DENND5B: variants seen among roughly 807,000 people sequenced by gnomAD.
The protein encoded by DENND5B is DENN domain-containing protein 5B.
In DENND5B, 34 loss-of-function variants were observed where a neutral mutation model predicts 140.6. The observed-to-expected ratio is 0.24, with a 90% CI of 0.18 to 0.32. The LOEUF (loss-of-function observed/expected upper bound fraction) is 0.32. Among genes scored for constraint, DENND5B ranks in the 10% least tolerant of loss-of-function variants. The probability of loss-of-function intolerance (pLI) is 1.00; values close to 1 mark genes in which losing one functional copy is unlikely to be tolerated. For synonymous variants in DENND5B, 551 were observed against 562.1 expected (o/e 0.98, Z 0.28); for missense variants, 1,142 against 1,560.2 (o/e 0.73, Z 4.52).
At chr12:31,500,975 C>T (rs1165352966) in intron 1 of DENND5B, among the ~76,000 whole-genome samples, 1 of 152,150 alleles carries the variant, frequency 6.6e-6, no homozygotes, top group East Asian at 1.9e-4. Context: ...CTCATCAAAA[C>T]TATCAAGGAC....
In DENND5B at chr12:31,479,832, G is replaced by C; in HGVS notation, c.661C>G (p.Pro221Ala). 6.2e-7 allele frequency: 1 copy of C among 1,613,922 alleles called. No homozygotes were observed. The highest frequency in any genetic ancestry group is 8.5e-7 in the Non-Finnish European group (1 of 1,179,860). ...ATATAGCTTTCAAGTGGCAAGGGTG[G>C]TGGCTGCTGTGAGGTAACAGCCTTG... ...LYKAVTSQQPPPLPLESYIHN... is the reference protein window; with the variant it reads ...LYKAVTSQQPAPLPLESYIHN... Residue 221 changes from proline to alanine, a missense_variant, in exon 3 of 21, where the codon CCA becomes GCA. Physicochemically the swap from Pro to Ala is conservative, Grantham distance 27. Transcript: ENST00000389082.
chr12:31,435,592 T>C (rs1230311775), intron 7 of DENND5B, among the ~76,000 whole-genome samples: 1 of 152,214 alleles, frequency 6.6e-6, no homozygotes, highest in East Asian at 1.9e-4. Flanking sequence ...CTTCTACTTA[T>C]TTACGTTTGG....
intron 1 of DENND5B, among the ~76,000 whole-genome samples, chr12:31,566,957 C>T (rs1023515066): frequency 2.6e-5 from 4 of 152,134 alleles, no homozygotes; most frequent in Non-Finnish European, 4.4e-5. Context: ...GCCTGGGAGG[C>T]GGAGGTTAGA....
intron 1 of DENND5B, among the ~76,000 whole-genome samples, chr12:31,502,365 T>C (rs774285649): frequency 6.6e-6 from 1 of 152,172 alleles, no homozygotes; most frequent in Non-Finnish European, 1.5e-5. Context: ...ATAAGTAATC[T>C]ACCTTTTATA....
intron 1 of DENND5B, among the ~76,000 whole-genome samples, chr12:31,516,752 T>C (rs768235759): frequency 8.5e-5 from 13 of 152,182 alleles, no homozygotes; most frequent in Non-Finnish European, 1.8e-4. Flanking sequence ...TCAACTTTAA[T>C]GCAATTTATT....
chr12:31,474,806 T>C (rs1945716306), intron 3 of DENND5B, among the ~76,000 whole-genome samples: 1 of 152,214 alleles, frequency 6.6e-6, no homozygotes, highest in African/African-American at 2.4e-5. Context: ...TTAACTGAAA[T>C]ATTTTTCTCT....
chr12:31,518,374 A>G (rs1947752194), intron 1 of DENND5B, among the ~76,000 whole-genome samples: 1 of 152,162 alleles, frequency 6.6e-6, no homozygotes, highest in African/African-American at 2.4e-5. Context: ...GGTGAGAATT[A>G]AAGACAGAGC....
At chr12:31,466,752 A>G (rs970896829) in intron 3 of DENND5B, among the ~76,000 whole-genome samples, 4 of 152,170 alleles carry the variant, frequency 2.6e-5, no homozygotes, top group Non-Finnish European at 5.9e-5. Flanking sequence ...GAGGATTAAA[A>G]AAAGATACAT....
At chr12:31,473,608 T>G (rs1211557316) in intron 3 of DENND5B, among the ~76,000 whole-genome samples, 2 of 152,182 alleles carry the variant, frequency 1.3e-5, no homozygotes, top group Non-Finnish European at 2.9e-5. Flanking sequence ...TGCCTCCCAG[T>G]GACAACTATC....
chr12:31,570,588 T>TAAA (rs59970924), intron 1 of DENND5B, among the ~76,000 whole-genome samples: 23 of 140,864 alleles, frequency 1.6e-4, no homozygotes, highest in Non-Finnish European at 2.0e-4. Flanking sequence ...AAATTCTCTT[T>TAAA]AAAAAAAAAA....
At chr12:31,442,979 A>G in intron 6 of DENND5B, 54 bp from the exon 7 acceptor site, 1 of 1,497,152 alleles carries the variant, frequency 6.7e-7, no homozygotes, top group Non-Finnish European at 9.0e-7. Flanking sequence ...GCCCTTCAAA[A>G]ATAATGCTTC....
intron 1 of DENND5B, among the ~76,000 whole-genome samples, chr12:31,569,275 C>T (rs1032437673): frequency 3.9e-5 from 6 of 151,944 alleles, no homozygotes; most frequent in East Asian, 1.9e-4. Flanking sequence ...CACCATGCTG[C>T]GCAGGCTGGT....
chr12:31,428,805 C>G (rs1267284540), intron 8 of DENND5B, among the ~76,000 whole-genome samples: 1 of 152,074 alleles, frequency 6.6e-6, no homozygotes, highest in East Asian at 1.9e-4. Context: ...GATCTCGGCT[C>G]ACTGCAAGCT....
In DENND5B at chr12:31,401,425, C is replaced by T. The variant is rs1941791471; in HGVS notation, c.2949+1073G>A. Among the ~76,000 whole-genome samples the T allele has an allele frequency of 2.0e-5, 3 of 152,164 alleles. No homozygotes were observed. In the East Asian group the frequency reaches 5.8e-4, roughly 29 times the overall value. The stretch of plus-strand genomic sequence containing the variant: ...AACTGGGCTCCTGGGGGCGGGAGGG[C>T]ATCATGACTCTAAGTGGAAACTGCT... On this transcript the variant is annotated intron_variant, in intron 15 of 20. Transcript: ENST00000389082.
At position 31,434,574 on chromosome 12, in the gene DENND5B, C is replaced by G. The variant is rs376232491; in HGVS notation, c.2013-1326G>C. On this transcript the variant is annotated intron_variant, in intron 7 of 20. Transcript: ENST00000389082. ...TATAATGTTTCCCTTATTCAAAGGTCCTTTTGTCGCCAGCCTAGCTACCTA... is the reference window on the plus strand; with the variant it reads ...TATAATGTTTCCCTTATTCAAAGGTGCTTTTGTCGCCAGCCTAGCTACCTA... 4.6e-5 allele frequency among the ~76,000 whole-genome samples: 7 copies of G among 152,230 alleles called. No individual in the cohort carries two copies. The East Asian group carries it at 9.6e-4, about 21-fold the overall frequency.
intron 1 of DENND5B, among the ~76,000 whole-genome samples, chr12:31,563,191 G>C (rs942014036): frequency 6.6e-6 from 1 of 152,110 alleles, no homozygotes; most frequent in South Asian, 2.1e-4. Context: ...GCTAAAAGAA[G>C]AGAAGCCAAA....
Position 31,402,647 on chromosome 12 carries a change from A to G in DENND5B, c.2804-4T>C, listed in dbSNP as rs747037856. The G allele has an allele frequency of 6.3e-7, 1 of 1,589,142 alleles. No individual in the cohort carries two copies. Among genetic ancestry groups the G allele is most frequent in the Non-Finnish European group, 8.6e-7 (1 of 1,169,040 alleles). ...ATCACTGACCTATACGGAATCACTG[A>G]AAGAAAAATGCAGAAATTAATTAAA... On this transcript the variant is annotated splice_polypyrimidine_tract_variant and splice_region_variant and intron_variant, in intron 14 of 20. Coordinates refer to ENST00000389082, the MANE Select transcript of DENND5B (RefSeq NM_144973.4).
intron 2 of DENND5B, 116 bp downstream of exon 2, chr12:31,495,694 C>T: frequency 2.3e-6 from 2 of 878,668 alleles, no homozygotes; most frequent in South Asian, 2.1e-5. Context: ...CTTATAAAAT[C>T]ACTTAAAGAA....
intron 1 of DENND5B, among the ~76,000 whole-genome samples, chr12:31,500,912 T>A (rs1946978986): frequency 6.6e-6 from 1 of 152,048 alleles, no homozygotes; most frequent in Non-Finnish European, 1.5e-5. Flanking sequence ...AGTCTAATCA[T>A]AAGAAAAACA....
Sources: allele counts gnomAD v4.1 joint callset (sites outside exome capture counted in the v4.1 genomes callset), GRCh38; gene constraint gnomAD v4.1.1; transcripts MANE v1.5; gene names NCBI Gene and HGNC (gene_info 2026-07-23, HGNC 2026-07-21).